The following ACOXL variants were observed in gnomAD, a reference collection of about 807,000 sequenced individuals.
ACOXL encodes the protein acyl-CoA oxidase like, also known as acyl-coenzyme A oxidase-like protein.
Under a neutral mutation model 71.9 loss-of-function variants are expected in ACOXL, and 70 were observed. The ratio of observed to expected loss-of-function variants is 0.97; its 90% CI spans 0.80 to 1.19. The LOEUF (loss-of-function observed/expected upper bound fraction) is 1.19. Among genes scored for constraint, ACOXL ranks in the 50% most tolerant of loss-of-function variants. The probability of loss-of-function intolerance (pLI) is 0.00; values close to 1 mark genes in which losing one functional copy is unlikely to be tolerated. For missense variants in ACOXL, 703 were observed against 736.3 expected (o/e 0.95, Z 0.52); for synonymous variants, 253 against 281.6 (o/e 0.90, Z 1.02).
At chr2:110,937,444 A>G (rs2060707007) in intron 12 of ACOXL, among the ~76,000 whole-genome samples, 1 of 152,172 alleles carries the variant, frequency 6.6e-6, no homozygotes, top group Admixed American at 6.5e-5. Flanking sequence ...ATGAAACACG[A>G]TGTACATTTC....
intron 1 of ACOXL, among the ~76,000 whole-genome samples, chr2:110,760,774 A>C (rs1165744668): frequency 6.6e-6 from 1 of 152,244 alleles, no homozygotes. Context: ...TGAGTATCAC[A>C]GGATATGATA....
intron 2 of ACOXL, among the ~76,000 whole-genome samples, chr2:110,770,683 A>G (rs572425800): frequency 2.3e-4 from 35 of 152,340 alleles, no homozygotes; most frequent in African/African-American, 7.7e-4. Context: ...AAAAAAACAC[A>G]AAAACAACCA....
intron 17 of ACOXL, among the ~76,000 whole-genome samples, chr2:111,102,301 T>A (rs923246596): frequency 2.0e-5 from 3 of 152,196 alleles, no homozygotes; most frequent in African/African-American, 7.2e-5. Flanking sequence ...GACCCTGAGG[T>A]CACCCTGCTG....
intron 16 of ACOXL, among the ~76,000 whole-genome samples, chr2:111,051,011 C>T (rs571546597): frequency 6.6e-6 from 1 of 152,244 alleles, no homozygotes; most frequent in East Asian, 1.9e-4. Context: ...ATTTGCGTGA[C>T]CTCCAGTGGC....
At chr2:110,966,246 C>A (rs75826129) in intron 12 of ACOXL, among the ~76,000 whole-genome samples, 1 of 152,192 alleles carries the variant, frequency 6.6e-6, no homozygotes, top group East Asian at 1.9e-4. Context: ...CAGCAAGGCC[C>A]GGTGGCGAAT....
At chr2:110,979,878 G>A (rs947710032) in intron 12 of ACOXL, among the ~76,000 whole-genome samples, 1 of 152,316 alleles carries the variant, frequency 6.6e-6, no homozygotes, top group African/African-American at 2.4e-5. Flanking sequence ...ATTGGTTCAG[G>A]CTTTGCAGAA....
At chr2:110,772,659 T>TG (rs1682105573) in intron 2 of ACOXL, among the ~76,000 whole-genome samples, 1 of 152,042 alleles carries the variant, frequency 6.6e-6, no homozygotes, top group Non-Finnish European at 1.5e-5. Flanking sequence ...CCCAGAGCTC[T>TG]GGTTTTTATC....
At chr2:110,818,634 G>C (rs1688250324) in intron 9 of ACOXL, among the ~76,000 whole-genome samples, 2 of 151,812 alleles carry the variant, frequency 1.3e-5, no homozygotes, top group African/African-American at 4.8e-5. Context: ...AAAAGACGGG[G>C]GATGGGGGAG....
At chr2:110,881,891 G>T (rs532551677) in intron 10 of ACOXL, among the ~76,000 whole-genome samples, 164 of 149,570 alleles carry the variant, frequency 1.1e-3, no homozygotes, top group Non-Finnish European at 1.9e-3. Context: ...GGGACATTGG[G>T]TTTTTTTTTT....
intron 11 of ACOXL, among the ~76,000 whole-genome samples, chr2:110,929,505 T>C (rs527264334): frequency 1.1e-4 from 17 of 152,274 alleles, no homozygotes; most frequent in African/African-American, 4.1e-4. Flanking sequence ...CCTGAAGATG[T>C]GATAGAAAAG....
At chr2:110,780,347 C>T (rs62162651) in intron 2 of ACOXL, among the ~76,000 whole-genome samples, 6 of 152,260 alleles carry the variant, frequency 3.9e-5, no homozygotes, top group East Asian at 3.9e-4. Flanking sequence ...TTCATTGTTG[C>T]GAGGAGTGTA....
chr2:110,981,874 C>T, intron 12 of ACOXL, among the ~76,000 whole-genome samples: 1 of 152,104 alleles, frequency 6.6e-6, no homozygotes, highest in Non-Finnish European at 1.5e-5. Flanking sequence ...TCCCTATACT[C>T]AATATAAACA....
intron 9 of ACOXL, among the ~76,000 whole-genome samples, chr2:110,835,289 G>A (rs2105688318): frequency 6.6e-6 from 1 of 151,846 alleles, no homozygotes; most frequent in African/African-American, 2.4e-5. Flanking sequence ...TAATTCCAAG[G>A]GATCAAGGAA....
intron 10 of ACOXL, among the ~76,000 whole-genome samples, chr2:110,862,892 C>G (rs962051429): frequency 1.4e-4 from 22 of 152,212 alleles, no homozygotes; most frequent in Non-Finnish European, 3.1e-4. Flanking sequence ...GGGCCCTTAT[C>G]CCACAGGCAA....
intron 12 of ACOXL, among the ~76,000 whole-genome samples, chr2:110,954,141 A>G (rs895913992): frequency 6.6e-6 from 1 of 152,238 alleles, no homozygotes; most frequent in Non-Finnish European, 1.5e-5. Flanking sequence ...ATCAATAGCA[A>G]TGCCTTAAAA....
intron 10 of ACOXL, among the ~76,000 whole-genome samples, chr2:110,902,766 G>GTA (rs2059291400): frequency 6.6e-6 from 1 of 152,192 alleles, no homozygotes; most frequent in Non-Finnish European, 1.5e-5. Context: ...TGTATGTCTA[G>GTA]GAGTGCCCCA....
intron 10 of ACOXL, among the ~76,000 whole-genome samples, chr2:110,888,715 A>C (rs1406276662): frequency 6.6e-6 from 1 of 152,170 alleles, no homozygotes; most frequent in Non-Finnish European, 1.5e-5. Flanking sequence ...TGGGCTGGTG[A>C]TTATCTAAAG....
intron 13 of ACOXL, among the ~76,000 whole-genome samples, chr2:110,993,214 CACAT>C (rs2149580785): frequency 6.6e-6 from 1 of 152,320 alleles, no homozygotes; most frequent in Non-Finnish European, 1.5e-5. Context: ...TGAGTTTTGA[CACAT>C]GCATAAACCT....
intron 11 of ACOXL, among the ~76,000 whole-genome samples, chr2:110,919,067 G>A (rs561898602): frequency 6.6e-6 from 1 of 150,952 alleles, no homozygotes; most frequent in Non-Finnish European, 1.5e-5. Context: ...ATACCCAAAG[G>A]ATTATAAGTC....
Sources: gnomAD v4.1 joint callset for allele counts (sites outside exome capture counted in the v4.1 genomes callset) on GRCh38, gnomAD v4.1.1 for gene constraint, MANE v1.5 for transcripts, NCBI Gene and HGNC (gene_info 2026-07-23, HGNC 2026-07-21) for gene names.